The following KCNH2 variants were observed in gnomAD, a reference collection of about 807,000 sequenced individuals.
The protein encoded by KCNH2 is voltage-gated inwardly rectifying potassium channel KCNH2.
In KCNH2, 35 loss-of-function variants were observed where a neutral mutation model predicts 95.9. That is an observed-to-expected ratio of 0.37 (90% CI 0.28 to 0.48). The LOEUF (loss-of-function observed/expected upper bound fraction) is 0.48, where lower values mean the gene tolerates loss of function less well. KCNH2 is among the 20% of genes least tolerant of loss of function. The probability of loss-of-function intolerance (pLI) is 0.99; values close to 1 mark genes in which losing one functional copy is unlikely to be tolerated. For synonymous variants in KCNH2, 786 were observed against 754.7 expected (o/e 1.04, Z -0.68); for missense variants, 1,274 against 1,702.9 (o/e 0.75, Z 4.43).
intron 5 of KCNH2, chr7:150,955,729 C>A: frequency 7.6e-7 from 1 of 1,318,746 alleles, no homozygotes; most frequent in South Asian, 2.3e-5. Flanking sequence ...TCGAGCTGCC[C>A]ATGGCCCCGT....
chr7:150,964,989 G>A (rs373041608), intron 2 of KCNH2, among the ~76,000 whole-genome samples: 1 of 152,190 alleles, frequency 6.6e-6, no homozygotes, highest in East Asian at 1.9e-4. Flanking sequence ...GACAGAGTTA[G>A]GGAGCCCAAG....
chr7:150,957,866 T>C (rs1329914578), intron 4 of KCNH2, among the ~76,000 whole-genome samples, 193 bp downstream of exon 4: 2 of 152,118 alleles, frequency 1.3e-5, no homozygotes, highest in African/African-American at 4.8e-5. Context: ...AGTGGAAGAA[T>C]GTAATGGGAT....
rs149367419 is a variant in KCNH2, at chr7:150,948,973, G to A, written c.2475C>T (p.Leu825=). ...PGKSNGDVRA[L]TYCDLHKIHR... is the part of the protein sequence containing the mutation. ...GGATCTTGTGTAGGTCACAGTAGGT[G>A]AGGGCCCGCACATCCCCGTTCGACT... The change falls in exon 10 of 15, where the codon CTC becomes CTT. Residue 825 remains leucine, a synonymous_variant. Transcript: ENST00000262186. The A allele has an allele frequency of 3.7e-6, 6 of 1,614,074 alleles. No homozygotes were observed. The highest frequency in any genetic ancestry group is 5.1e-6 in the Non-Finnish European group (6 of 1,180,038).
intron 5 of KCNH2, among the ~76,000 whole-genome samples, chr7:150,954,470 C>G (rs41314381): frequency 1.4e-4 from 22 of 152,280 alleles, no homozygotes; most frequent in Admixed American, 1.4e-3. Context: ...CAAACTCACA[C>G]GTGCATGGGG....
At chr7:150,949,973 C>T in intron 9 of KCNH2, 195 bp downstream of exon 9, 2 of 1,547,466 alleles carry the variant, frequency 1.3e-6, no homozygotes, top group Non-Finnish European at 1.7e-6. Context: ...CCCCAGAGTT[C>T]AGCAGCCTCA....
rs41307271 is a variant in KCNH2, at chr7:150,947,403, G to C, written c.3077C>G (p.Pro1026Arg). The change falls in exon 13 of 15, where the codon CCC becomes CGC. Residue 1026 changes from proline (P) to arginine (R), a missense_variant. Pro to Arg is a moderately radical substitution (Grantham distance 103). Coordinates refer to ENST00000262186, the MANE Select transcript of KCNH2 (RefSeq NM_000238.4). ...GGGCCGCCGACCCGGGCTGGAGAGG[G>C]GGATGTTGAGGAGGCTGGGGGTGGG... ...PAPTPSLLNIPLSSPGRRPRG... is the reference protein window; with the variant it reads ...PAPTPSLLNIRLSSPGRRPRG... 2.6e-6 allele frequency: 4 copies of C among 1,551,896 alleles called. No homozygotes were observed. The East Asian group carries it at 9.6e-5, about 37-fold the overall frequency.
In KCNH2 at chr7:150,955,435, C is replaced by T. The variant is rs755663235; in HGVS notation, c.1128+1856G>A. The T allele has an allele frequency of 3.2e-6, 5 of 1,566,366 alleles. No individual in the cohort carries two copies. In the East Asian group the frequency reaches 7.2e-5, roughly 22 times the overall value. ...GGCTGGAGATGCGCACGGCCCGCCT[C>T]ACCCGGCCTTTCTGGGCCCTGGGCC... On this transcript the variant is annotated intron_variant, in intron 5 of 14. Coordinates refer to ENST00000262186, the MANE Select transcript of KCNH2 (RefSeq NM_000238.4).
At chr7:150,964,903 G>A (rs111572101) in intron 2 of KCNH2, among the ~76,000 whole-genome samples, 1 of 152,186 alleles carries the variant, frequency 6.6e-6, no homozygotes, top group Non-Finnish European at 1.5e-5. Context: ...CCTGGCAGGG[G>A]GCCACCGTGT....
rs1554428942 is a variant in KCNH2 at position 150,962,653 on chromosome 7, G to GAGAGA, written c.308-2918_308-2917insTCTCT. ...AGAGAGAGAGAGAGAGAGAGAGAGA[G>GAGAGA]GAGTGACTGCTGGCCCTCTTCCTTT... On this transcript the variant is annotated intron_variant, in intron 2 of 14. Transcript: ENST00000262186. This position sits in a 1 kb window ranked among gnomAD's most constrained non-coding sequence, Gnocchi z 5.7. Among the ~76,000 whole-genome samples the GAGAGA allele has an allele frequency of 1.3e-5, 2 of 151,292 alleles. No homozygotes were observed. The highest frequency in any genetic ancestry group is 2.1e-4 in the South Asian group (1 of 4,764).
rs199472825 is a variant in KCNH2, at chr7:150,977,867, T to G, written c.47A>C (p.Asp16Ala). 2.0e-6 allele frequency: 3 copies of G among 1,531,790 alleles called. No homozygotes were observed. Among genetic ancestry groups the G allele is most frequent in the Non-Finnish European group, 2.6e-6 (3 of 1,134,506 alleles). The allele number at this position is 1,531,790 out of a possible 1,614,324, so 94.9% of individuals were successfully genotyped here. The change falls in exon 1 of 15, where the codon GAC (aspartate) becomes GCC (alanine). Residue 16 changes from aspartate (D) to alanine (A), a missense_variant. Around this residue, in one of 7 missense-constraint regions of KCNH2, gnomAD observed 29 missense variants for 25.2 expected, o/e 1.15. Transcript: ENST00000262186. ...GCCCTCAAACTTGCGGATGATGGTG[T>G]CCAGGAAGGTGTTCTGCGGCGCGAC... ...GHVAPQNTFL[D>A]TIIRKFEGQS...
chr7:150,948,678 A>T (rs150475288), intron 10 of KCNH2, 135 bp from the exon 11 acceptor site: 4 of 1,079,296 alleles, frequency 3.7e-6, no homozygotes, highest in African/African-American at 1.6e-5. Flanking sequence ...CCTGCCCCCA[A>T]TGTGATTTTG....
chr7:150,966,574 G>A (rs1330124646), intron 2 of KCNH2, among the ~76,000 whole-genome samples: 1 of 151,986 alleles, frequency 6.6e-6, no homozygotes, highest in Non-Finnish European at 1.5e-5. Flanking sequence ...AGACCCCCAA[G>A]AAATCAACAG....
rs774216337 is a variant in KCNH2 at position 150,948,461 on chromosome 7, C to T, written c.2675G>A (p.Arg892His). The change falls in exon 11 of 15, where the codon CGC becomes CAC. Residue 892 changes from arginine to histidine, a missense_variant. Arg to His is a conservative substitution (Grantham distance 29, BLOSUM62 0). Transcript: ENST00000262186. ...SRQRKRKLSF[R>H]RRTDKDTEQP... ...CGCCTCACCCTTGTCCGTGCGCCTG[C>T]GGAAGGACAACTTGCGCTTGCGTTG... 1.3e-5 allele frequency: 20 copies of T among 1,589,780 alleles called. No homozygotes were observed. Among genetic ancestry groups the T allele is most frequent in the African/African-American group, 9.5e-5 (7 of 74,044 alleles).
rs1355952300 is a variant in KCNH2 at position 150,958,100 on chromosome 7, C to T, written c.875G>A (p.Arg292His). ...CGGTGGCGGGGGCAGCACCCCGGCG[C>T]GCATGGCCTCGATGTCGTCGGCCGA... ...ASSADDIEAM[R>H]AGVLPPPPRH... is the part of the protein sequence containing the mutation. The change falls in exon 4 of 15, where the codon CGC (arginine) becomes CAC (histidine). Residue 292 changes from arginine (R) to histidine (H), a missense_variant. This residue lies in a region of KCNH2 where 392 missense variants were observed against 429.9 expected (regional missense o/e 0.91). Coordinates refer to ENST00000262186, the MANE Select transcript of KCNH2 (RefSeq NM_000238.4). The T allele has an allele frequency of 3.9e-5, 50 of 1,288,606 alleles. No individual in the cohort carries two copies. Among genetic ancestry groups the T allele is most frequent in the Non-Finnish European group, 4.6e-5 (47 of 1,022,362 alleles). The allele number at this position is 1,288,606 out of a possible 1,614,324, so 79.8% of individuals were successfully genotyped here.
intron 2 of KCNH2, among the ~76,000 whole-genome samples, chr7:150,967,062 T>C (rs918995198): frequency 6.6e-5 from 10 of 152,152 alleles, no homozygotes; most frequent in Non-Finnish European, 1.2e-4. Context: ...GCGGATCACC[T>C]GAGGTCAGGA....
At chr7:150,965,408 G>A (rs1584873700) in intron 2 of KCNH2, among the ~76,000 whole-genome samples, 1 of 152,102 alleles carries the variant, frequency 6.6e-6, no homozygotes, top group Admixed American at 6.5e-5. Context: ...TCTGCCTCTC[G>A]GGTGGTGCAC....
intron 7 of KCNH2, 26 bp downstream of exon 7, chr7:150,951,422 C>T (rs776873363): frequency 2.4e-5 from 38 of 1,612,862 alleles, no homozygotes; most frequent in East Asian, 1.1e-4. Flanking sequence ...GGGCTCTCCC[C>T]GCCGCCCGCC....
At chr7:150,976,478 G>A (rs1416838215) in intron 1 of KCNH2, among the ~76,000 whole-genome samples, 1 of 152,090 alleles carries the variant, frequency 6.6e-6, no homozygotes, top group African/African-American at 2.4e-5. Context: ...CAGTCCAGAG[G>A]CCCAGCCACA....
At chr7:150,966,181 AC>A (rs1357432686) in intron 2 of KCNH2, among the ~76,000 whole-genome samples, 4 of 152,160 alleles carry the variant, frequency 2.6e-5, no homozygotes, top group Non-Finnish European at 5.9e-5. Context: ...GAAGGTGCAC[AC>A]AGCTGCCACT....
Sources: allele counts gnomAD v4.1 joint callset (sites outside exome capture counted in the v4.1 genomes callset), GRCh38; gene constraint gnomAD v4.1.1; regional missense constraint gnomAD v4.1.1; non-coding constraint Gnocchi (gnomAD v3.1); transcripts MANE v1.5; gene names NCBI Gene and HGNC (gene_info 2026-07-23, HGNC 2026-07-21).